RAB10: variants seen among roughly 807,000 people sequenced by gnomAD.
RAB10 encodes the protein RAB10, member RAS oncogene family, also known as ras-related protein Rab-10.
RAB10 carries 5 observed loss-of-function variants against 25.7 expected under a neutral mutation model. The ratio of observed to expected loss-of-function variants is 0.19; its 90% confidence interval spans 0.10 to 0.41. RAB10 has a LOEUF of 0.41. RAB10 is among the 10% of genes least tolerant of loss of function. The pLI is 1.00. For missense variants in RAB10, 103 were observed against 245.8 expected, an observed-to-expected ratio of 0.42 and a Z score of 3.89; for synonymous variants, 89 against 86.4, an observed-to-expected ratio of 1.03 and a Z score of -0.16.
intron 5 of RAB10, among the ~76,000 whole-genome samples, chr2:26,129,840 G>A (rs946990139): frequency 1.3e-5 from 2 of 152,128 alleles, no homozygotes; most frequent in African/African-American, 4.8e-5. Flanking sequence ...GAATGAGAGA[G>A]GCTGACAGCA....
At chr2:26,113,486 A>G (rs1295130506) in intron 3 of RAB10, among the ~76,000 whole-genome samples, 1 of 152,092 alleles carries the variant, frequency 6.6e-6, no homozygotes, top group Non-Finnish European at 1.5e-5. Flanking sequence ...AGGCAGGAGA[A>G]TCGCTTGAGC....
intron 1 of RAB10, among the ~76,000 whole-genome samples, chr2:26,068,200 T>G: frequency 6.6e-6 from 1 of 152,074 alleles, no homozygotes; most frequent in Non-Finnish European, 1.5e-5. Flanking sequence ...AGGAGCTTTT[T>G]GAGTTCAAAG....
intron 2 of RAB10, among the ~76,000 whole-genome samples, chr2:26,102,314 A>T (rs1415359325): frequency 6.6e-6 from 1 of 152,012 alleles, no homozygotes; most frequent in Non-Finnish European, 1.5e-5. Flanking sequence ...TCTAGTGTGT[A>T]GTACTTAATA....
At chr2:26,071,405 T>G (rs1196613800) in intron 1 of RAB10, among the ~76,000 whole-genome samples, 1 of 152,194 alleles carries the variant, frequency 6.6e-6, no homozygotes, top group Non-Finnish European at 1.5e-5. Context: ...ATTGGAATTT[T>G]GGCCAGGCGC....
At chr2:26,130,553 C>T (rs913878002) in intron 5 of RAB10, among the ~76,000 whole-genome samples, 1 of 152,010 alleles carries the variant, frequency 6.6e-6, no homozygotes, top group Non-Finnish European at 1.5e-5. Flanking sequence ...AAGCCATCCT[C>T]CTGCTTCAGC....
intron 1 of RAB10, among the ~76,000 whole-genome samples, chr2:26,060,762 T>C (rs1008056650): frequency 1.3e-5 from 2 of 152,184 alleles, no homozygotes; most frequent in Non-Finnish European, 2.9e-5. Context: ...GTTCTTTCTA[T>C]CACATTATGC....
chr2:26,127,091 G>A, intron 3 of RAB10, 53 bp from the exon 4 acceptor site: 4 of 1,333,678 alleles, frequency 3.0e-6, no homozygotes, highest in Admixed American at 2.2e-5. Context: ...TTTAAAGACT[G>A]TTAAGCCGTA....
rs1027740170 is a variant in RAB10, at chr2:26,136,776, A to G, written c.*1755A>G. On this transcript the variant is annotated 3_prime_UTR_variant, in exon 6 of 6. Coordinates refer to ENST00000264710, the MANE Select transcript of RAB10 (RefSeq NM_016131.5). ...GACGTATCTGCTATGAAAATCCACA[A>G]ATTTTTCAGATAGTGCCCTAAAAAC... The G allele has an allele frequency of 3.3e-5, 5 of 152,486 alleles. No individual in the cohort carries two copies. The highest frequency in any genetic ancestry group is 9.7e-5 in the African/African-American group (4 of 41,416). The allele number at this position is 152,486 out of a possible 1,614,324, so 9.4% of individuals were successfully genotyped here. A position where few individuals can be genotyped will look rare whatever the true frequency, so the allele number is the denominator to read the frequency against.
chr2:26,108,935 G>A (rs540474190), intron 2 of RAB10, among the ~76,000 whole-genome samples: 28 of 150,100 alleles, frequency 1.9e-4, no homozygotes, highest in Middle Eastern at 3.4e-3. Flanking sequence ...ATTTTGAGAC[G>A]GAGTCTCGCT....
intron 1 of RAB10, among the ~76,000 whole-genome samples, chr2:26,036,483 A>T (rs1035510821): frequency 6.6e-6 from 1 of 151,684 alleles, no homozygotes; most frequent in Non-Finnish European, 1.5e-5. Context: ...ATATGGTGAA[A>T]CCCCGTTTTT....
chr2:26,120,148 A>C (rs1667771420), intron 3 of RAB10, among the ~76,000 whole-genome samples: 2 of 152,176 alleles, frequency 1.3e-5, no homozygotes, highest in South Asian at 4.1e-4. Context: ...TGACTTCTAA[A>C]GCTACAGATA....
At chr2:26,091,850 T>C (rs1446259806) in intron 1 of RAB10, among the ~76,000 whole-genome samples, 1 of 151,500 alleles carries the variant, frequency 6.6e-6, no homozygotes, top group Non-Finnish European at 1.5e-5. Context: ...CAAAAAAGAG[T>C]GAAGAATTCC....
chr2:26,054,356 A>G (rs886618358), intron 1 of RAB10, among the ~76,000 whole-genome samples: 1 of 151,206 alleles, frequency 6.6e-6, no homozygotes, highest in Non-Finnish European at 1.5e-5. Context: ...GCCCGGCCTA[A>G]TGTTTGTATT....
At chr2:26,080,413 A>T (rs1356862910) in intron 1 of RAB10, among the ~76,000 whole-genome samples, 1 of 152,184 alleles carries the variant, frequency 6.6e-6, no homozygotes, top group Non-Finnish European at 1.5e-5. Flanking sequence ...GAGAAACATG[A>T]TAATTATTTA....
At chr2:26,119,871 G>C (rs1272625194) in intron 3 of RAB10, among the ~76,000 whole-genome samples, 1 of 152,052 alleles carries the variant, frequency 6.6e-6, no homozygotes, top group Non-Finnish European at 1.5e-5. Flanking sequence ...GCTCTGAAAT[G>C]GTACACATGT....
intron 3 of RAB10, among the ~76,000 whole-genome samples, chr2:26,126,537 A>G (rs1667907066): frequency 6.6e-6 from 1 of 152,146 alleles, no homozygotes; most frequent in Non-Finnish European, 1.5e-5. Flanking sequence ...AAGTTGCAGG[A>G]AGCCCAGATC....
intron 1 of RAB10, among the ~76,000 whole-genome samples, chr2:26,073,372 A>G (rs115561797): frequency 2.6e-4 from 39 of 152,332 alleles, no homozygotes; most frequent in African/African-American, 8.9e-4. Context: ...TGATTAAGCA[A>G]GAACTGTTCT....
At chr2:26,089,640 C>T (rs1667063169) in intron 1 of RAB10, among the ~76,000 whole-genome samples, 1 of 152,066 alleles carries the variant, frequency 6.6e-6, no homozygotes. Context: ...CTTACCTTTC[C>T]CAAACATTTT....
At chr2:26,071,382 T>G (rs1666622552) in intron 1 of RAB10, among the ~76,000 whole-genome samples, 2 of 152,110 alleles carry the variant, frequency 1.3e-5, no homozygotes, top group African/African-American at 2.4e-5. Context: ...CTGATAAAAT[T>G]TATGCTTTTA....
Sources: allele counts gnomAD v4.1 joint callset (sites outside exome capture counted in the v4.1 genomes callset), GRCh38; gene constraint gnomAD v4.1.1; transcripts MANE v1.5; gene names NCBI Gene and HGNC (gene_info 2026-07-23, HGNC 2026-07-21).